The following LRBA variants were observed in gnomAD, a reference collection of about 807,000 sequenced individuals.
LRBA encodes lipopolysaccharide-responsive and beige-like anchor protein.
Under a neutral mutation model 330.0 loss-of-function variants are expected in LRBA, and 176 were observed. The ratio of observed to expected loss-of-function variants is 0.53; its 90% CI spans 0.47 to 0.60. The LOEUF is 0.60. Among genes scored for constraint, LRBA ranks in the 20% least tolerant of loss-of-function variants. The probability of loss-of-function intolerance (pLI) is 0.00; values close to 1 mark genes in which losing one functional copy is unlikely to be tolerated. For synonymous variants in LRBA, 1,230 were observed against 1,193.0 expected, an observed-to-expected ratio of 1.03 and a Z score of -0.64; for missense variants, 3,259 against 3,444.8, an observed-to-expected ratio of 0.95 and a Z score of 1.35.
intron 37 of LRBA, among the ~76,000 whole-genome samples, chr4:150,636,090 A>G (rs754100202): frequency 4.0e-5 from 6 of 151,312 alleles, no homozygotes; most frequent in Non-Finnish European, 8.8e-5. Flanking sequence ...AAGGAAGCAC[A>G]TGGTTTCAGT....
At chr4:150,609,874 C>A (rs1775050318) in intron 37 of LRBA, among the ~76,000 whole-genome samples, 1 of 152,026 alleles carries the variant, frequency 6.6e-6, no homozygotes, top group South Asian at 2.1e-4. Context: ...GTAGCAGGAG[C>A]AGGGTTTGAT....
chr4:150,359,904 C>T (rs1004757972), intron 47 of LRBA, among the ~76,000 whole-genome samples: 10 of 151,280 alleles, frequency 6.6e-5, no homozygotes, highest in African/African-American at 2.2e-4. Flanking sequence ...CTCTTGAATC[C>T]GGGAGGTGGA....
rs1745126657 is a variant in LRBA at position 150,265,003 on chromosome 4, C to T, written c.*719G>A. On this transcript the variant is annotated 3_prime_UTR_variant, in exon 57 of 57. Transcript: ENST00000651943. ...ACTTGCATTTACTTTAAAAGAAAAA[C>T]AAATGTTGTGAGCTCAAGAGCATTT... 1 of 152,622 alleles carries T rather than the reference C, an allele frequency of 6.6e-6. No individual in the cohort carries two copies. Among genetic ancestry groups the T allele is most frequent in the African/African-American group, 2.4e-5 (1 of 41,432 alleles). The allele number at this position is 152,622 out of a possible 1,614,324, so 9.5% of individuals were successfully genotyped here. A position where few individuals can be genotyped will look rare whatever the true frequency, so the allele number is the denominator to read the frequency against.
chr4:150,887,965 T>C (rs1355967425), intron 17 of LRBA, among the ~76,000 whole-genome samples: 1 of 151,802 alleles, frequency 6.6e-6, no homozygotes, highest in East Asian at 1.9e-4. Context: ...CTGGGCAACA[T>C]AGTAAGACCC....
Position 151,014,446 on chromosome 4 carries a change from A to C in LRBA, c.197T>G (p.Val66Gly), listed in dbSNP as rs555229581. The C allele has an allele frequency of 1.5e-5, 24 of 1,614,008 alleles. No homozygotes were observed. In the Middle Eastern group the frequency reaches 6.6e-4, roughly 44 times the overall value. ...EVGEVSNRDI[V>G]ETVFNLLVGG... ...ACTTACCAGGTTAAAGACAGTTTCT[A>C]CAATATCCCTATTGGATACTTCTCC... Residue 66 changes from valine (V) to glycine (G), a missense_variant, in exon 2 of 57, where the codon GTA (valine) becomes GGA (glycine). Val to Gly is a moderately radical substitution (Grantham distance 109, BLOSUM62 -3). Coordinates refer to ENST00000651943, the MANE Select transcript of LRBA (RefSeq NM_001364905.1).
intron 41 of LRBA, 34 bp from the exon 42 acceptor site, chr4:150,487,868 G>T: frequency 8.3e-7 from 1 of 1,204,984 alleles, no homozygotes; most frequent in Non-Finnish European, 1.2e-6. Flanking sequence ...TTAGAACACA[G>T]TATAACTTCC....
chr4:150,739,355 A>T (rs1414110279), intron 35 of LRBA, among the ~76,000 whole-genome samples: 4 of 152,138 alleles, frequency 2.6e-5, no homozygotes, highest in South Asian at 2.1e-4. Context: ...GGAACATATT[A>T]AAAAAAACAG....
chr4:150,941,316 C>T (rs1000446243), intron 2 of LRBA, among the ~76,000 whole-genome samples: 2 of 152,014 alleles, frequency 1.3e-5, no homozygotes, highest in African/African-American at 4.8e-5. Flanking sequence ...ACACGCCCAG[C>T]TAATTTTTGT....
At chr4:150,922,852 G>A (rs970658929) in intron 4 of LRBA, among the ~76,000 whole-genome samples, 22 of 152,232 alleles carry the variant, frequency 1.4e-4, no homozygotes, top group Non-Finnish European at 2.6e-4. Flanking sequence ...ACCACCCTAT[G>A]GGATGGTATT....
chr4:150,558,510 T>C (rs1052786388), intron 40 of LRBA, among the ~76,000 whole-genome samples: 1 of 152,222 alleles, frequency 6.6e-6, no homozygotes, highest in Non-Finnish European at 1.5e-5. Context: ...CCCATTATTC[T>C]ATTCTTCGGA....
At chr4:150,342,802 C>T (rs1302766960) in intron 48 of LRBA, among the ~76,000 whole-genome samples, 2 of 152,042 alleles carry the variant, frequency 1.3e-5, no homozygotes, top group South Asian at 2.1e-4. Flanking sequence ...TGACTGGGAA[C>T]GTATTTCCAG....
intron 53 of LRBA, among the ~76,000 whole-genome samples, chr4:150,298,918 A>G (rs1729304558): frequency 6.6e-6 from 1 of 152,128 alleles, no homozygotes; most frequent in Non-Finnish European, 1.5e-5. Context: ...TTATTCAGAT[A>G]TCTAAAAATA....
Position 150,445,384 on chromosome 4 carries a change from TATATATATATATATATATATATATATAC to T in LRBA, c.6781-8548_6781-8521del, listed in dbSNP as rs1433108232. Among the ~76,000 whole-genome samples the T allele has an allele frequency of 2.1e-3, 93 of 44,790 alleles. 1 individual carries two copies. The highest frequency in any genetic ancestry group is 9.0e-3 in the African/African-American group (91 of 10,112). The allele number at this position is 44,790 out of a possible 152,430, so 29.4% of individuals were successfully genotyped here. On this transcript the variant is annotated intron_variant, in intron 44 of 56. Transcript: ENST00000651943. ...CTCTCTCTCTCTCTCTCTCTATATA[TATATATATATATATATATATATATATAC>T]ATATATACACACACACATATATATA...
chr4:150,495,089 C>T (rs1759428716), intron 40 of LRBA, among the ~76,000 whole-genome samples: 1 of 152,018 alleles, frequency 6.6e-6, no homozygotes, highest in Admixed American at 6.6e-5. Context: ...TTATTCTATA[C>T]ATCTATAAGA....
chr4:151,007,526 A>AAC (rs1744229312), intron 2 of LRBA, among the ~76,000 whole-genome samples: 1 of 148,914 alleles, frequency 6.7e-6, no homozygotes, highest in Admixed American at 6.7e-5. Context: ...AACAAAAAAA[A>AAC]AAATGGCACT....
At chr4:150,605,113 A>G (rs1444860653) in intron 37 of LRBA, among the ~76,000 whole-genome samples, 1 of 152,218 alleles carries the variant, frequency 6.6e-6, no homozygotes, top group East Asian at 1.9e-4. Flanking sequence ...CTTTCTGGAT[A>G]TTGCTGTATT....
At chr4:150,483,580 C>T (rs560595056) in intron 42 of LRBA, among the ~76,000 whole-genome samples, 1 of 151,888 alleles carries the variant, frequency 6.6e-6, no homozygotes, top group East Asian at 1.9e-4. Flanking sequence ...GTGATTCTCC[C>T]ACATGGACTT....
chr4:150,414,044 G>T (rs1359595374), intron 47 of LRBA, among the ~76,000 whole-genome samples: 1 of 152,138 alleles, frequency 6.6e-6, no homozygotes, highest in Non-Finnish European at 1.5e-5. Flanking sequence ...GACTGTGATA[G>T]AATAATATTA....
chr4:150,760,293 T>A (rs1333355937), intron 35 of LRBA, among the ~76,000 whole-genome samples: 1 of 152,120 alleles, frequency 6.6e-6, no homozygotes, highest in East Asian at 1.9e-4. Flanking sequence ...CTGATATAAA[T>A]CTATATCAGT....
Sources: gnomAD v4.1 joint callset for allele counts (sites outside exome capture counted in the v4.1 genomes callset) on GRCh38, gnomAD v4.1.1 for gene constraint, MANE v1.5 for transcripts, NCBI Gene and HGNC (gene_info 2026-07-23, HGNC 2026-07-21) for gene names.